Variants in SDK1 observed in about 807,000 individuals in gnomAD.
The protein encoded by SDK1 is protein sidekick-1.
Under a neutral mutation model 245.5 loss-of-function variants are expected in SDK1, and 157 were observed. The ratio of observed to expected loss-of-function variants is 0.64; its 90% CI spans 0.56 to 0.73. The LOEUF (loss-of-function observed/expected upper bound fraction) is 0.73, where lower values mean the gene tolerates loss of function less well. SDK1 is among the 30% of genes least tolerant of loss of function. The pLI, the probability that SDK1 is intolerant of heterozygous loss-of-function variation, is 0.00. For missense variants in SDK1, 3,583 were observed against 3,002.3 expected (o/e 1.19, Z -4.52); for synonymous variants, 1,647 against 1,278.5 (o/e 1.29, Z -6.15).
At chr7:3,555,745 T>A (rs1779567867) in intron 1 of SDK1, among the ~76,000 whole-genome samples, 2 of 152,012 alleles carry the variant, frequency 1.3e-5, no homozygotes, top group African/African-American at 4.8e-5. Context: ...ATAATCTGAT[T>A]AAAAAATGGA....
intron 38 of SDK1, among the ~76,000 whole-genome samples, chr7:4,215,259 A>C (rs939202087): frequency 2.6e-5 from 4 of 152,244 alleles, no homozygotes; most frequent in African/African-American, 9.6e-5. Context: ...GCATCTGATG[A>C]AGATTCCCAA....
At chr7:3,643,783 A>G (rs1205330811) in intron 4 of SDK1, 1 of 150,344 alleles carries the variant, frequency 6.7e-6, no homozygotes, top group African/African-American at 2.5e-5. Flanking sequence ...CCACCTGAGC[A>G]TCTGTGGAAT....
intron 1 of SDK1, among the ~76,000 whole-genome samples, chr7:3,310,147 G>T (rs1272923114): frequency 6.6e-6 from 1 of 152,134 alleles, no homozygotes; most frequent in Non-Finnish European, 1.5e-5. Context: ...TGGATTCACT[G>T]GAAATTGCTT....
chr7:3,391,761 C>T (rs576674906), intron 1 of SDK1, among the ~76,000 whole-genome samples: 19 of 151,132 alleles, frequency 1.3e-4, no homozygotes, highest in African/African-American at 3.6e-4. Context: ...CTCAGCCTCC[C>T]GAGTAGCTGG....
At chr7:3,582,673 T>TA (rs1295771786) in intron 1 of SDK1, among the ~76,000 whole-genome samples, 1 of 61,188 alleles carries the variant, frequency 1.6e-5, no homozygotes, top group Non-Finnish European at 2.8e-5. Flanking sequence ...GCCCTGAACC[T>TA]AAACTAAAGT....
rs552413944 is a variant in SDK1 at position 3,509,666 on chromosome 7, A to G, written c.299-109414A>G. 2.7e-4 allele frequency among the ~76,000 whole-genome samples: 41 copies of G among 152,250 alleles called. 1 individual carries two copies. The South Asian group carries it at 7.5e-3, about 28-fold the overall frequency. On this transcript the variant is annotated intron_variant, in intron 1 of 44. Coordinates refer to ENST00000404826, the MANE Select transcript of SDK1 (RefSeq NM_152744.4). ...CTCTTCCTCAACTGTGCTTACCTGC[A>G]TCTTCACTCAACACTTAACCTCTGT...
intron 13 of SDK1, among the ~76,000 whole-genome samples, 194 bp from the exon 14 acceptor site, chr7:3,986,992 A>G (rs544230136): frequency 1.3e-5 from 2 of 152,332 alleles, no homozygotes; most frequent in South Asian, 4.1e-4. Flanking sequence ...ACAAAGTAAC[A>G]CTGTGAATAA....
rs546205984 is a variant in SDK1, at chr7:4,245,687, G to A, written c.6263G>A (p.Arg2088Gln). ...GGTCCTCATCCTAGGTCCCCACCCCGGCCTAGCCCCGGCGGCCTGCACTAC... is the reference window on the plus strand; with the variant it reads ...GGTCCTCATCCTAGGTCCCCACCCCAGCCTAGCCCCGGCGGCCTGCACTAC... ...SKKNGTRSPP[R>Q]PSPGGLHYSD... The change falls in exon 44 of 45, where the codon CGG becomes CAG. Residue 2088 changes from arginine to glutamine, a missense_variant. Coordinates refer to ENST00000404826, the MANE Select transcript of SDK1 (RefSeq NM_152744.4). 2.2e-5 allele frequency: 35 copies of A among 1,613,914 alleles called. 1 individual carries two copies. The highest frequency in any genetic ancestry group is 6.7e-5 in the East Asian group (3 of 44,854).
intron 5 of SDK1, among the ~76,000 whole-genome samples, chr7:3,853,668 C>G (rs940913221): frequency 6.6e-6 from 1 of 152,058 alleles, no homozygotes; most frequent in Non-Finnish European, 1.5e-5. Flanking sequence ...AGTGAGCTTT[C>G]CTTTGAGCAT....
rs1779416338 is a variant in SDK1 at position 3,417,833 on chromosome 7, G to C, written c.298+115949G>C. 2.6e-5 allele frequency among the ~76,000 whole-genome samples: 4 copies of C among 152,126 alleles called. No individual in the cohort carries two copies. In the South Asian group the frequency reaches 8.3e-4, roughly 32 times the overall value. ...AGATATGGCATGTCAGAGTCTGAAA[G>C]GCTTCTGTCCAGTTGGCAAGTGGAA... On this transcript the variant is annotated intron_variant, in intron 1 of 44. Transcript: ENST00000404826.
intron 22 of SDK1, among the ~76,000 whole-genome samples, chr7:4,080,429 G>C (rs753552974): frequency 6.6e-6 from 1 of 152,142 alleles, no homozygotes; most frequent in African/African-American, 2.4e-5. Context: ...TTTCAAAATA[G>C]TTATTATCTG....
At chr7:3,565,373 A>G (rs1304982896) in intron 1 of SDK1, among the ~76,000 whole-genome samples, 2 of 152,198 alleles carry the variant, frequency 1.3e-5, no homozygotes, top group African/African-American at 4.8e-5. Context: ...GATGCACTAT[A>G]AAGTATGTAC....
intron 13 of SDK1, among the ~76,000 whole-genome samples, chr7:3,984,971 C>T (rs1210612739): frequency 2.6e-5 from 4 of 152,222 alleles, no homozygotes; most frequent in East Asian, 1.9e-4. Flanking sequence ...CCACTCTCAC[C>T]GACCCCAAGC....
intron 42 of SDK1, among the ~76,000 whole-genome samples, chr7:4,240,877 C>T (rs1401759303): frequency 6.6e-6 from 1 of 152,034 alleles, no homozygotes; most frequent in Non-Finnish European, 1.5e-5. Context: ...GGGAGAGCCC[C>T]AGGGGGAGAA....
At chr7:3,318,788 A>G (rs903114247) in intron 1 of SDK1, among the ~76,000 whole-genome samples, 2 of 152,208 alleles carry the variant, frequency 1.3e-5, no homozygotes, top group African/African-American at 4.8e-5. Flanking sequence ...AGTACTAGAA[A>G]AACTCAACAA....
chr7:4,233,020 C>T, intron 40 of SDK1: 2 of 452,472 alleles, frequency 4.4e-6, no homozygotes, highest in Non-Finnish European at 8.0e-6. Context: ...TTTCAAGTGT[C>T]CAGTTCAGTA....
intron 4 of SDK1, among the ~76,000 whole-genome samples, chr7:3,683,523 A>G (rs1864840): frequency 1 from 151,769 of 152,332 alleles, 75,609 homozygotes; most frequent in Middle Eastern, 1. Flanking sequence ...AGAAACTCAC[A>G]TATACCTGGT....
intron 5 of SDK1, among the ~76,000 whole-genome samples, chr7:3,827,693 G>T (rs1779811116): frequency 6.6e-6 from 1 of 152,188 alleles, no homozygotes; most frequent in Non-Finnish European, 1.5e-5. Context: ...GCAGGTGCAG[G>T]GCCATGTCAG....
rs758353602 is a variant in SDK1, at chr7:4,130,116, C to A, written c.4129+19C>A. 3.2e-6 allele frequency: 5 copies of A among 1,552,116 alleles called. No individual in the cohort carries two copies. Among genetic ancestry groups the A allele is most frequent in the Admixed American group, 3.7e-5 (2 of 53,988 alleles). ...GACGATGGTAGGTCCAGGGTTCGCG[C>A]CTTCGGGAGCCTTGCTGCCTCCCAG... On this transcript the variant is annotated intron_variant, in intron 27 of 44. Coordinates refer to ENST00000404826, the MANE Select transcript of SDK1 (RefSeq NM_152744.4).
Sources: gnomAD v4.1 joint callset for allele counts (sites outside exome capture counted in the v4.1 genomes callset) on GRCh38, gnomAD v4.1.1 for gene constraint, MANE v1.5 for transcripts, NCBI Gene and HGNC (gene_info 2026-07-23, HGNC 2026-07-21) for gene names.